Variants in METTL8 observed in about 807,000 individuals in gnomAD.
METTL8 encodes methyltransferase 8, tRNA N3-cytidine, also known as tRNA N(3)-cytidine methyltransferase METTL8, mitochondrial.
A neutral mutation model predicts 48.7 loss-of-function variants in METTL8; 32 were observed. That is an observed-to-expected ratio of 0.66 (90% CI 0.50 to 0.88). METTL8 has a LOEUF of 0.88. METTL8 is among the 40% of genes least tolerant of loss of function. The pLI, the probability that METTL8 is intolerant of heterozygous loss-of-function variation, is 0.00. For missense variants in METTL8, 464 were observed against 474.4 expected, an observed-to-expected ratio of 0.98 and a Z score of 0.20; for synonymous variants, 136 against 157.1, an observed-to-expected ratio of 0.87 and a Z score of 1.01.
chr2:171,356,952 A>ATGTTTTTTTTTTTTGTTTTTT, intron 3 of METTL8, among the ~76,000 whole-genome samples: 1 of 78,468 alleles, frequency 1.3e-5, no homozygotes, highest in African/African-American at 4.5e-5. Context: ...CAAAGACAAT[A>ATGTTTTTTTTTTTTGTTTTTT]TTTTTTTTTT....
At position 171,360,503 on chromosome 2, in the gene METTL8, G is replaced by T; in HGVS notation, c.154C>A (p.Gln52Lys). 2 of 1,612,762 alleles carry T rather than the reference G, an allele frequency of 1.2e-6. No individual in the cohort carries two copies. The highest frequency in any genetic ancestry group is 2.2e-5 in the South Asian group (2 of 90,936). ...VFEHNMWDHMQWSKEEEAAAR... is the reference protein window; with the variant it reads ...VFEHNMWDHMKWSKEEEAAAR... ...GCTGCTTCTTCTTCCTTAGACCACT[G>T]CATGTGATCCCTATTAAAAAAAAAT... Residue 52 changes from glutamine to lysine, a missense_variant, in exon 3 of 10, where the codon CAG (glutamine) becomes AAG (lysine). By Grantham distance (53) the Gln-to-Lys change is moderately conservative. Coordinates refer to ENST00000375258, the MANE Select transcript of METTL8 (RefSeq NM_001321154.2).
At chr2:171,397,336 A>G (rs1482826136) in intron 1 of METTL8, among the ~76,000 whole-genome samples, 1 of 121,780 alleles carries the variant, frequency 8.2e-6, no homozygotes, top group Non-Finnish European at 1.7e-5. Flanking sequence ...TAGGCAAAAT[A>G]GTGAGACCCT....
intron 3 of METTL8, among the ~76,000 whole-genome samples, chr2:171,354,123 T>C (rs1684260365): frequency 1.3e-5 from 2 of 152,330 alleles, no homozygotes; most frequent in African/African-American, 2.4e-5. Flanking sequence ...TGTTTAGTGC[T>C]TCCTTCAGGA....
At chr2:171,373,925 C>T (rs914114951) in intron 2 of METTL8, among the ~76,000 whole-genome samples, 1 of 152,178 alleles carries the variant, frequency 6.6e-6, no homozygotes, top group African/African-American at 2.4e-5. Flanking sequence ...ATGCTTCCAG[C>T]TTTGTTCTTT....
chr2:171,324,099 G>C lies in METTL8; in HGVS notation c.*73C>G, dbSNP rs1363924529. On this transcript the variant is annotated 3_prime_UTR_variant, in exon 10 of 10. Transcript: ENST00000375258. ...TCTTCTTTTTTTCTCATTGTCTTTTGAGAAACAATAGACTTACAGTAGTCC... is the reference window on the plus strand; with the variant it reads ...TCTTCTTTTTTTCTCATTGTCTTTTCAGAAACAATAGACTTACAGTAGTCC... The C allele has an allele frequency of 7.1e-6, 8 of 1,123,902 alleles. No individual in the cohort carries two copies. Among genetic ancestry groups the C allele is most frequent in the Non-Finnish European group, 9.9e-6 (8 of 808,012 alleles). The allele number at this position is 1,123,902 out of a possible 1,614,324, so 69.6% of individuals were successfully genotyped here. A position where few individuals can be genotyped will look rare whatever the true frequency, so the allele number is the denominator to read the frequency against.
chr2:171,381,358 C>G (rs186407781), intron 2 of METTL8, among the ~76,000 whole-genome samples: 2 of 151,964 alleles, frequency 1.3e-5, no homozygotes, highest in Non-Finnish European at 1.5e-5. Context: ...AAAGACTTCA[C>G]GACAAAAACA....
At chr2:171,346,540 G>C (rs1039421775) in intron 3 of METTL8, among the ~76,000 whole-genome samples, 1 of 152,192 alleles carries the variant, frequency 6.6e-6, no homozygotes, top group Admixed American at 6.5e-5. Flanking sequence ...GTGCCAGAGA[G>C]TTGGCCAGCA....
intron 1 of METTL8, among the ~76,000 whole-genome samples, chr2:171,430,501 G>A (rs879632453): frequency 7.9e-5 from 12 of 152,058 alleles, no homozygotes; most frequent in Admixed American, 3.3e-4. Context: ...AAAACTGCAC[G>A]TTCTACACAT....
chr2:171,331,283 G>A (rs565133135), intron 6 of METTL8, among the ~76,000 whole-genome samples: 5 of 151,364 alleles, frequency 3.3e-5, no homozygotes, highest in Admixed American at 2.0e-4. Flanking sequence ...GCTAATTTTT[G>A]TATTTTTAGT....
chr2:171,362,181 C>A (rs1020529077), intron 2 of METTL8, among the ~76,000 whole-genome samples: 1 of 151,916 alleles, frequency 6.6e-6, no homozygotes, highest in South Asian at 2.1e-4. Flanking sequence ...CACAGTGAAG[C>A]GGGGAAGGAC....
rs1684241772 is a variant in METTL8, at chr2:171,315,891, A to C, written c.*8281T>G. On this transcript the variant is annotated 3_prime_UTR_variant, in exon 10 of 10. Transcript: ENST00000375258. ...AACTTGGGAATCTTGGGAACCTAGAAAGTGAGGTAACCCAAGCCAAATTCC... is the reference window on the plus strand; with the variant it reads ...AACTTGGGAATCTTGGGAACCTAGACAGTGAGGTAACCCAAGCCAAATTCC... Among the ~76,000 whole-genome samples the C allele has an allele frequency of 6.6e-6, 1 of 152,210 alleles. No homozygotes were observed.
At chr2:171,387,234 G>T (rs1056140317) in intron 2 of METTL8, among the ~76,000 whole-genome samples, 3 of 152,164 alleles carry the variant, frequency 2.0e-5, no homozygotes, top group Non-Finnish European at 2.9e-5. Context: ...GACTTCAGGA[G>T]CTGTAAACAC....
intron 1 of METTL8, among the ~76,000 whole-genome samples, chr2:171,419,370 T>C (rs149710237): frequency 6.6e-5 from 10 of 152,338 alleles, no homozygotes; most frequent in African/African-American, 2.2e-4. Context: ...CTAGAGTTCA[T>C]ACTACTAGCT....
chr2:171,367,718 A>G (rs1685871062), intron 2 of METTL8, among the ~76,000 whole-genome samples: 1 of 152,242 alleles, frequency 6.6e-6, no homozygotes, highest in Admixed American at 6.5e-5. Context: ...ATTTACATAT[A>G]GAGGTAAACT....
intron 2 of METTL8, among the ~76,000 whole-genome samples, chr2:171,378,606 G>A (rs1280847445): frequency 6.6e-6 from 1 of 151,988 alleles, no homozygotes; most frequent in Non-Finnish European, 1.5e-5. Flanking sequence ...ACTCCAGCCT[G>A]GGTGACAGAG....
chr2:171,405,352 G>C (rs899570591), intron 1 of METTL8, among the ~76,000 whole-genome samples: 3 of 152,144 alleles, frequency 2.0e-5, no homozygotes, highest in African/African-American at 7.2e-5. Context: ...TTAGGAAGAA[G>C]AGGGGTTAGT....
chr2:171,352,047 A>G lies in METTL8; in HGVS notation c.235+8375T>C, dbSNP rs191918849. ...ATCCCTGTTTTGTGCCAGTTTTCAA[A>G]GGGAATGCTTCCAGTTTCTGCCCGT... On this transcript the variant is annotated intron_variant, in intron 3 of 9. Coordinates refer to ENST00000375258, the MANE Select transcript of METTL8 (RefSeq NM_001321154.2). Among the ~76,000 whole-genome samples, 3 of 152,310 alleles carry G rather than the reference A, an allele frequency of 2.0e-5. No individual in the cohort carries two copies. In the East Asian group the frequency reaches 5.8e-4, roughly 29 times the overall value.
chr2:171,371,626 G>A (rs1283681161), intron 2 of METTL8, among the ~76,000 whole-genome samples: 1 of 151,842 alleles, frequency 6.6e-6, no homozygotes, highest in East Asian at 1.9e-4. Flanking sequence ...CAAAGCACTA[G>A]GACTACAGGT....
At position 171,338,617 on chromosome 2, in the gene METTL8, G is replaced by T. The variant is rs538933333; in HGVS notation, c.606+567C>A. On this transcript the variant is annotated intron_variant, in intron 4 of 9. Transcript: ENST00000375258. ...ATGGCGCCACTATACTCTAGCCCGG[G>T]CAACAAGAACAAAAGTCTGTCTCAA... Among the ~76,000 whole-genome samples the T allele has an allele frequency of 3.0e-4, 44 of 147,188 alleles. No individual in the cohort carries two copies. The South Asian group carries it at 4.3e-3, about 14-fold the overall frequency.
Sources: gnomAD v4.1 joint callset for allele counts (sites outside exome capture counted in the v4.1 genomes callset) on GRCh38, gnomAD v4.1.1 for gene constraint, MANE v1.5 for transcripts, NCBI Gene and HGNC (gene_info 2026-07-23, HGNC 2026-07-21) for gene names.